Variants in TRIM40 observed in about 807,000 individuals in gnomAD.
TRIM40 encodes the protein E3 ubiquitin ligase TRIM40.
In TRIM40, 27 loss-of-function variants were observed where a neutral mutation model predicts 26.1. The ratio of observed to expected loss-of-function variants is 1.04; its 90% confidence interval spans 0.76 to 1.43. The LOEUF is 1.43. Ranked by LOEUF, TRIM40 falls within the 40% of genes most tolerant of loss-of-function variation. TRIM40 has a pLI of 0.00. For missense variants in TRIM40, 289 were observed against 307.9 expected (o/e 0.94, Z 0.46); for synonymous variants, 114 against 120.0 (o/e 0.95, Z 0.33).
intron 2 of TRIM40, among the ~76,000 whole-genome samples, chr6:30,143,873 T>C (rs1041252494): frequency 2.0e-5 from 3 of 152,252 alleles, no homozygotes; most frequent in Non-Finnish European, 4.4e-5. Context: ...TCTTTATTAC[T>C]GTTATCTTTG....
intron 2 of TRIM40, among the ~76,000 whole-genome samples, chr6:30,139,679 C>T (rs1165549134): frequency 6.6e-6 from 1 of 152,174 alleles, no homozygotes; most frequent in East Asian, 1.9e-4. Flanking sequence ...GGCCCATGTC[C>T]ATTTGGTCAG....
At chr6:30,145,022 C>T (rs570327147) in intron 2 of TRIM40, among the ~76,000 whole-genome samples, 1 of 152,210 alleles carries the variant, frequency 6.6e-6, no homozygotes, top group South Asian at 2.1e-4. Flanking sequence ...TTTGTGGTGA[C>T]ATCACTGTCT....
At chr6:30,141,473 AG>A (rs1282218185) in intron 2 of TRIM40, among the ~76,000 whole-genome samples, 1 of 152,242 alleles carries the variant, frequency 6.6e-6, no homozygotes, top group Non-Finnish European at 1.5e-5. Flanking sequence ...CAAAGGAGAC[AG>A]GATGAGTTGC....
intron 4 of TRIM40, 43 bp downstream of exon 4, chr6:30,147,252 G>T (rs552269302): frequency 6.2e-7 from 1 of 1,607,598 alleles, no homozygotes; most frequent in Non-Finnish European, 8.5e-7. Flanking sequence ...GATTCTCCCC[G>T]ATAGGAGGCA....
At position 30,147,541 on chromosome 6, in the gene TRIM40, A is replaced by T. The variant is rs149976193; in HGVS notation, c.688A>T (p.Arg230Trp). The T allele has an allele frequency of 4.3e-6, 7 of 1,614,090 alleles. No individual in the cohort carries two copies. The African/African-American group carries it at 9.3e-5, about 22-fold the overall frequency. ...TLKNAGDLLN[R>W]SAPQKLEVIY... is the part of the protein sequence containing the mutation. ...CTAGAATGCTGGTGACTTACTGAAC[A>T]GGTACGAGCTGTCCCTTCTTCTTTC... The change falls in exon 5 of 6, where the codon AGG (arginine) becomes TGG (tryptophan). Residue 230 changes from arginine to tryptophan, a missense_variant and splice_region_variant. By Grantham distance (101) the Arg-to-Trp change is moderately radical (BLOSUM62 -3). Coordinates refer to ENST00000396581, the MANE Select transcript of TRIM40 (RefSeq NM_001286633.2).
intron 5 of TRIM40, 69 bp from the exon 6 acceptor site, chr6:30,147,656 A>G (rs1459068620): frequency 6.2e-7 from 1 of 1,606,492 alleles, no homozygotes; most frequent in Non-Finnish European, 8.5e-7. Flanking sequence ...TTGATGCTAC[A>G]TGGCCAATGG....
intron 4 of TRIM40, 23 bp from the exon 5 acceptor site, chr6:30,147,497 T>G (rs773545684): frequency 6.2e-7 from 1 of 1,613,774 alleles, no homozygotes; most frequent in Non-Finnish European, 8.5e-7. Flanking sequence ...CCAATTATGA[T>G]TCTCACTTTT....
Position 30,137,307 on chromosome 6 carries a change from G to A in TRIM40, c.271G>A (p.Val91Met). ...TGAGGAGAGCAGACTTCTTCTATGT[G>A]TGGAATGCCTGGTGTCCCCTGAACA... ...FCEESRLLLC[V>M]ECLVSPEHMS... Residue 91 changes from valine (V) to methionine (M), a missense_variant, in exon 2 of 6, where the codon GTG becomes ATG. Val to Met is a conservative substitution (Grantham distance 21, BLOSUM62 1). Transcript: ENST00000396581. 1 of 1,613,056 alleles carries A rather than the reference G, an allele frequency of 6.2e-7. No homozygotes were observed. The highest frequency in any genetic ancestry group is 8.5e-7 in the Non-Finnish European group (1 of 1,180,018).
Position 30,137,105 on chromosome 6 carries a change from G to T in TRIM40, c.69G>T (p.Glu23Asp), listed in dbSNP as rs1412654331. Residue 23 changes from glutamate (E) to aspartate (D), a missense_variant, in exon 2 of 6, where the codon GAG (glutamate) becomes GAT (aspartate). Physicochemically the swap from Glu to Asp is conservative, Grantham distance 45. Coordinates refer to ENST00000396581, the MANE Select transcript of TRIM40 (RefSeq NM_001286633.2). Reference sequence around the variant, plus strand: ...CCATCTGCCAGGAGAGCCTGAAGGAGGCCGTGAGCACCAACTGCGGACATC... The same window carrying T: ...CCATCTGCCAGGAGAGCCTGAAGGATGCCGTGAGCACCAACTGCGGACATC... Reference protein sequence around the residue: ...VCPICQESLKEAVSTNCGHLF... With the variant: ...VCPICQESLKDAVSTNCGHLF... The T allele has an allele frequency of 1.2e-6, 2 of 1,613,092 alleles. No homozygotes were observed. Among genetic ancestry groups the T allele is most frequent in the Non-Finnish European group, 8.5e-7 (1 of 1,180,040 alleles).
rs772532206 is a variant in TRIM40, at chr6:30,147,554, C to T, written c.689+12C>T. The T allele has an allele frequency of 1.9e-5, 30 of 1,614,068 alleles. No individual in the cohort carries two copies. In the Admixed American group the frequency reaches 2.5e-4, roughly 13 times the overall value. ...GACTTACTGAACAGGTACGAGCTGT[C>T]CCTTCTTCTTTCCCACATGTGCATA... On this transcript the variant is annotated intron_variant, in intron 5 of 5. Transcript: ENST00000396581.
intron 2 of TRIM40, among the ~76,000 whole-genome samples, chr6:30,139,176 G>A (rs1771184377): frequency 6.7e-6 from 1 of 149,354 alleles, no homozygotes; most frequent in Non-Finnish European, 1.5e-5. Flanking sequence ...AAATAACGAT[G>A]ACACTTGTTC....
chr6:30,144,436 G>A (rs943536819), intron 2 of TRIM40, among the ~76,000 whole-genome samples: 1 of 152,112 alleles, frequency 6.6e-6, no homozygotes, highest in Non-Finnish European at 1.5e-5. Flanking sequence ...AGCATGAGAT[G>A]GATTGCTAGG....
At position 30,136,776 on chromosome 6, in the gene TRIM40, G is replaced by T. The variant is rs947938290; in HGVS notation, c.-261G>T. Reference sequence around the variant, plus strand: ...CAAGTTTAACAAACACAAGGAAACCGCAGGGTCCATGTCAAAGCTGATGAG... The same window carrying T: ...CAAGTTTAACAAACACAAGGAAACCTCAGGGTCCATGTCAAAGCTGATGAG... On this transcript the variant is annotated 5_prime_UTR_variant, in exon 2 of 6. Coordinates refer to ENST00000396581, the MANE Select transcript of TRIM40 (RefSeq NM_001286633.2). 1 of 498,252 alleles carries T rather than the reference G, an allele frequency of 2.0e-6. No individual in the cohort carries two copies. The allele number at this position is 498,252 out of a possible 1,614,324, so 30.9% of individuals were successfully genotyped here. A position where few individuals can be genotyped will look rare whatever the true frequency, so the allele number is the denominator to read the frequency against.
chr6:30,140,076 T>C (rs559609261), intron 2 of TRIM40, among the ~76,000 whole-genome samples: 64 of 152,266 alleles, frequency 4.2e-4, no homozygotes, highest in Middle Eastern at 6.8e-3. Context: ...AACAACAGAT[T>C]CTGGAGACGA....
At position 30,138,985 on chromosome 6, in the gene TRIM40, G is replaced by A. The variant is rs144947115; in HGVS notation, c.345+1604G>A. The stretch of plus-strand genomic sequence containing the variant: ...GCAATGTCCACAGGAGAGTGGGGAG[G>A]GATTCCTCACCTGCCGATGAAGCAG... On this transcript the variant is annotated intron_variant, in intron 2 of 5. Coordinates refer to ENST00000396581, the MANE Select transcript of TRIM40 (RefSeq NM_001286633.2). 4.4e-3 allele frequency among the ~76,000 whole-genome samples: 669 copies of A among 152,252 alleles called. 2 individuals carry two copies. The highest frequency in any genetic ancestry group is 0.014 in the African/African-American group (577 of 41,540).
chr6:30,136,889 A>T lies in TRIM40; in HGVS notation c.-148A>T. The T allele has an allele frequency of 2.8e-6, 2 of 710,386 alleles. No individual in the cohort carries two copies. The highest frequency in any genetic ancestry group is 4.6e-6 in the Non-Finnish European group (2 of 436,804). The allele number at this position is 710,386 out of a possible 1,614,324, so 44.0% of individuals were successfully genotyped here. On this transcript the variant is annotated 5_prime_UTR_variant, in exon 2 of 6. Transcript: ENST00000396581. ...AGAGTGGGCAATTGCCTGAACTTGG[A>T]GGCTGTGTCCTGTCCCCAGGCTGCT...
At chr6:30,139,544 T>G (rs1341989660) in intron 2 of TRIM40, among the ~76,000 whole-genome samples, 1 of 152,122 alleles carries the variant, frequency 6.6e-6, no homozygotes, top group African/African-American at 2.4e-5. Context: ...GGTTTCACCA[T>G]CTTGGCCAGG....
intron 2 of TRIM40, among the ~76,000 whole-genome samples, chr6:30,143,435 T>C (rs1412688691): frequency 6.8e-6 from 1 of 146,894 alleles, no homozygotes; most frequent in African/African-American, 2.5e-5. Flanking sequence ...ATTTTTCTTT[T>C]TTTTTTTTTT....
chr6:30,143,226 T>A (rs1421912837), intron 2 of TRIM40, among the ~76,000 whole-genome samples: 1 of 152,180 alleles, frequency 6.6e-6, no homozygotes, highest in Non-Finnish European at 1.5e-5. Flanking sequence ...TGAGGGTAGC[T>A]ATGTATTTTA....
Sources: gnomAD v4.1 joint callset for allele counts (sites outside exome capture counted in the v4.1 genomes callset) on GRCh38, gnomAD v4.1.1 for gene constraint, MANE v1.5 for transcripts, NCBI Gene and HGNC (gene_info 2026-07-23, HGNC 2026-07-21) for gene names.